The following FBXO45 variants were observed in gnomAD, a reference collection of about 807,000 sequenced individuals.
FBXO45 encodes F-box/SPRY domain-containing protein 1.
In FBXO45, 3 loss-of-function variants were observed where a neutral mutation model predicts 25.5. The ratio of observed to expected loss-of-function variants is 0.12; its 90% CI spans 0.05 to 0.30. FBXO45 has a LOEUF of 0.30. FBXO45 is among the 10% of genes least tolerant of loss of function. The pLI, the probability that FBXO45 is intolerant of heterozygous loss-of-function variation, is 1.00. For missense variants in FBXO45, 219 were observed against 365.0 expected, an observed-to-expected ratio of 0.60 and a Z score of 3.26; for synonymous variants, 155 against 149.8, an observed-to-expected ratio of 1.03 and a Z score of -0.25.
rs1287263272 is a variant in FBXO45 at position 196,577,473 on chromosome 3, C to T, written c.339C>T (p.Ala113=). The T allele has an allele frequency of 1.9e-6, 3 of 1,598,530 alleles. No individual in the cohort carries two copies. Among genetic ancestry groups the T allele is most frequent in the Middle Eastern group, 1.7e-4 (1 of 6,004 alleles). ...YKAKIRAFQH[A]FSTNDCSRNV... is the part of the protein sequence containing the mutation. ...TTTAGATACGTGCTTTTCAACATGC[C>T]TTCAGCACTAATGACTGCTCCAGGA... The change falls in exon 2 of 3, where the codon GCC becomes GCT. Residue 113 remains alanine, a synonymous_variant. Transcript: ENST00000311630.
In FBXO45 at chr3:196,585,719, AAAG is replaced by A. The variant is rs1336581086; in HGVS notation, c.*1404_*1406del. 1.3e-5 allele frequency: 2 copies of A among 152,240 alleles called. No individual in the cohort carries two copies. Among genetic ancestry groups the A allele is most frequent in the Admixed American group, 6.5e-5 (1 of 15,290 alleles). 9.4% of individuals were successfully genotyped at this position (152,240 alleles called of 1,614,324 possible). ...AGCTGAGAGTTTTTCTTTTGTTAGA[AAAG>A]AAACAGACATCTTTCTGTATGAAAG... On this transcript the variant is annotated 3_prime_UTR_variant, in exon 3 of 3. Transcript: ENST00000311630.
rs576204244 is a variant in FBXO45 at position 196,570,778 on chromosome 3, C to G, written c.318+1476C>G. 5.4e-3 allele frequency among the ~76,000 whole-genome samples: 775 copies of G among 144,452 alleles called. 6 individuals carry two copies. Among genetic ancestry groups the G allele is most frequent in the African/African-American group, 0.019 (739 of 38,274 alleles). The allele number at this position is 144,452 out of a possible 152,430, so 94.8% of individuals were successfully genotyped here. On this transcript the variant is annotated intron_variant, in intron 1 of 2. Transcript: ENST00000311630. ...CCAGGCTGGAGTGCAGTGGCGGGAT[C>G]TCAGCTCACTGCAACCTCCGCCTCC...
chr3:196,578,046 C>CTTTTTTTTTTTTTTTTT lies in FBXO45; in HGVS notation c.675+250_675+251insTTTTTTTTTTTTTTTTT, dbSNP rs775555553. ...GATTTTGGCTATGCAGAAAAATATT[C>CTTTTTTTTTTTTTTTTT]TTTTTTTTTTTTTAGACAGAATCTC... On this transcript the variant is annotated intron_variant, in intron 2 of 2. Coordinates refer to ENST00000311630, the MANE Select transcript of FBXO45 (RefSeq NM_001105573.2). Among the ~76,000 whole-genome samples the CTTTTTTTTTTTTTTTTT allele has an allele frequency of 3.9e-4, 37 of 94,034 alleles. 7 individuals carry two copies. Among genetic ancestry groups the CTTTTTTTTTTTTTTTTT allele is most frequent in the African/African-American group, 8.3e-4 (18 of 21,570 alleles). 61.7% of individuals were successfully genotyped at this position (94,034 alleles called of 152,430 possible).
In FBXO45 at chr3:196,587,287, A is replaced by C. The variant is rs1577601953; in HGVS notation, c.*2969A>C. On this transcript the variant is annotated 3_prime_UTR_variant, in exon 3 of 3. Coordinates refer to ENST00000311630, the MANE Select transcript of FBXO45 (RefSeq NM_001105573.2). ...TTCATTAAATCTTTTCATACAAGGA[A>C]TTTGTGGTTAATGTCATTTCATAGT... 6.6e-6 allele frequency: 1 copy of C among 152,200 alleles called. No homozygotes were observed. Among genetic ancestry groups the C allele is most frequent in the Admixed American group, 6.5e-5 (1 of 15,278 alleles). 9.4% of individuals were successfully genotyped at this position (152,200 alleles called of 1,614,324 possible).
intron 1 of FBXO45, among the ~76,000 whole-genome samples, chr3:196,572,147 C>T (rs1263045193): frequency 6.6e-6 from 1 of 152,112 alleles, no homozygotes; most frequent in Non-Finnish European, 1.5e-5. Context: ...GTACTCTGAG[C>T]AGAAGCAGGA....
Position 196,569,804 on chromosome 3 carries a change from C to T in FBXO45, c.318+502C>T, listed in dbSNP as rs371346632. ...TTTTCCCCCAAGTTCTCTTTAGTTC[C>T]CTCCACTATATTGGAGGCTTACAAG... On this transcript the variant is annotated intron_variant, in intron 1 of 2. Coordinates refer to ENST00000311630, the MANE Select transcript of FBXO45 (RefSeq NM_001105573.2). This position sits in a 1 kb window ranked among gnomAD's most constrained non-coding sequence, Gnocchi z 4.1. 1.3e-5 allele frequency among the ~76,000 whole-genome samples: 2 copies of T among 152,128 alleles called. No homozygotes were observed. Among genetic ancestry groups the T allele is most frequent in the African/African-American group, 2.4e-5 (1 of 41,396 alleles).
At chr3:196,581,223 C>T (rs571172424) in intron 2 of FBXO45, among the ~76,000 whole-genome samples, 90 of 63,626 alleles carry the variant, frequency 1.4e-3, no homozygotes, top group South Asian at 2.6e-3. Flanking sequence ...TTTCTTTTTC[C>T]TTTTTTTTTT....
In FBXO45 at chr3:196,569,122, G is replaced by C; in HGVS notation, c.138G>C (p.Leu46Phe). Residue 46 changes from leucine to phenylalanine, a missense_variant, in exon 1 of 3, where the codon TTG (leucine) becomes TTC (phenylalanine). By Grantham distance (22) the Leu-to-Phe change is conservative. Coordinates refer to ENST00000311630, the MANE Select transcript of FBXO45 (RefSeq NM_001105573.2). This position sits in a 1 kb window ranked among gnomAD's most constrained non-coding sequence, Gnocchi z 4.1. The stretch of plus-strand genomic sequence containing the variant: ...GGCTGCCCAGCCGGGTGCTGGAGTT[G>C]GTGTTCTCTTACCTGGAGCTGTCCG... Reference protein sequence around the residue: ...GGRLPSRVLELVFSYLELSEL... With the variant: ...GGRLPSRVLEFVFSYLELSEL... 1 of 1,539,704 alleles carries C rather than the reference G, an allele frequency of 6.5e-7. No individual in the cohort carries two copies. The highest frequency in any genetic ancestry group is 8.8e-7 in the Non-Finnish European group (1 of 1,139,874).
At chr3:196,576,539 C>T (rs765933362) in intron 1 of FBXO45, among the ~76,000 whole-genome samples, 8 of 152,018 alleles carry the variant, frequency 5.3e-5, no homozygotes, top group African/African-American at 1.7e-4. Context: ...CAGAGTGAGA[C>T]GTTGTCTAAA....
At chr3:196,580,282 C>A (rs546495573) in intron 2 of FBXO45, among the ~76,000 whole-genome samples, 1 of 151,828 alleles carries the variant, frequency 6.6e-6, no homozygotes, top group Non-Finnish European at 1.5e-5. Flanking sequence ...CTCAGCTCAC[C>A]GCAACCTCTG....
Position 196,569,752 on chromosome 3 carries a change from C to CT in FBXO45, c.318+451dup, listed in dbSNP as rs1735755855. Among the ~76,000 whole-genome samples, 1 of 152,210 alleles carries CT rather than the reference C, an allele frequency of 6.6e-6. No homozygotes were observed. Among genetic ancestry groups the CT allele is most frequent in the Admixed American group, 6.5e-5 (1 of 15,284 alleles). ...ACGTTTATCTCATCTTTTCCAAGCT[C>CT]TGATTTTTAACCATTTGTTTTCATT... On this transcript the variant is annotated intron_variant, in intron 1 of 2. Coordinates refer to ENST00000311630, the MANE Select transcript of FBXO45 (RefSeq NM_001105573.2). The surrounding 1 kb of genome is among the most constrained non-coding windows in gnomAD (Gnocchi z 4.1).
chr3:196,579,427 C>CT (rs1182964906), intron 2 of FBXO45, among the ~76,000 whole-genome samples: 2 of 152,150 alleles, frequency 1.3e-5, no homozygotes, highest in African/African-American at 4.8e-5. Context: ...GGTGTGTAGA[C>CT]TTTATCACTA....
chr3:196,576,198 T>G (rs746836710), intron 1 of FBXO45, among the ~76,000 whole-genome samples: 15 of 152,148 alleles, frequency 9.9e-5, no homozygotes, highest in Admixed American at 4.6e-4. Context: ...GGATCCTTGA[T>G]CTCTCTTTGG....
chr3:196,570,268 T>TCC (rs1735783558), intron 1 of FBXO45, among the ~76,000 whole-genome samples: 32 of 84,270 alleles, frequency 3.8e-4, no homozygotes, highest in African/African-American at 6.0e-4. Context: ...TCCCCCCCTT[T>TCC]TTTTTTTTTT....
rs760710268 is a variant in FBXO45 at position 196,585,258 on chromosome 3, T to C, written c.*940T>C. 7 of 152,218 alleles carry C rather than the reference T, an allele frequency of 4.6e-5. No individual in the cohort carries two copies. Among genetic ancestry groups the C allele is most frequent in the Non-Finnish European group, 1.0e-4 (7 of 68,036 alleles). The allele number at this position is 152,218 out of a possible 1,614,324, so 9.4% of individuals were successfully genotyped here. ...TTTTATTTTTGGCCTTCTAAGAAAG[T>C]GTCTCATAACACAGAACATTGCCAT... On this transcript the variant is annotated 3_prime_UTR_variant, in exon 3 of 3. Coordinates refer to ENST00000311630, the MANE Select transcript of FBXO45 (RefSeq NM_001105573.2).
rs530905415 is a variant in FBXO45, at chr3:196,577,964, G to T, written c.675+155G>T. ...TTTTCAGATACCCAGACTTCAAGGA[G>T]ATTTTTTTTTTTTAATGTTAGGGGG... On this transcript the variant is annotated intron_variant, in intron 2 of 2. Coordinates refer to ENST00000311630, the MANE Select transcript of FBXO45 (RefSeq NM_001105573.2). Among the ~76,000 whole-genome samples, 19 of 56,618 alleles carry T rather than the reference G, an allele frequency of 3.4e-4. No homozygotes were observed. In the East Asian group the frequency reaches 0.027, roughly 80 times the overall value. The allele number at this position is 56,618 out of a possible 152,430, so 37.1% of individuals were successfully genotyped here.
In FBXO45 at chr3:196,568,933, ACGGCGGGAAGCGGCGGCGGCAGCGG is replaced by A. The variant is rs1005644881; in HGVS notation, c.-47_-23del. Reference sequence around the variant, plus strand: ...GCGAGGCTTGGCCTTCCGAGCAGAGACGGCGGGAAGCGGCGGCGGCAGCGGCGGCCCTAGGGCCGGCTGGTGAGGC... The same window carrying A: ...GCGAGGCTTGGCCTTCCGAGCAGAGACGGCCCTAGGGCCGGCTGGTGAGGC... On this transcript the variant is annotated 5_prime_UTR_variant, in exon 1 of 3. Coordinates refer to ENST00000311630, the MANE Select transcript of FBXO45 (RefSeq NM_001105573.2). 1.2e-3 allele frequency: 1,143 copies of A among 987,380 alleles called. 1 individual carries two copies. The highest frequency in any genetic ancestry group is 1.3e-3 in the Non-Finnish European group (1,104 of 830,474). 61.2% of individuals were successfully genotyped at this position (987,380 alleles called of 1,614,324 possible).
At chr3:196,574,098 C>T (rs1342126896) in intron 1 of FBXO45, among the ~76,000 whole-genome samples, 2 of 151,984 alleles carry the variant, frequency 1.3e-5, no homozygotes, top group East Asian at 1.9e-4. Context: ...CTACGTCCAG[C>T]TAATTTTTGT....
intron 1 of FBXO45, among the ~76,000 whole-genome samples, chr3:196,576,680 C>T (rs537005441): frequency 5.9e-5 from 9 of 152,332 alleles, no homozygotes; most frequent in Non-Finnish European, 7.4e-5. Context: ...GAAGAGTCAA[C>T]TAACTTGTCT....
Sources: allele counts gnomAD v4.1 joint callset (sites outside exome capture counted in the v4.1 genomes callset), GRCh38; gene constraint gnomAD v4.1.1; non-coding constraint Gnocchi (gnomAD v3.1); transcripts MANE v1.5; gene names NCBI Gene and HGNC (gene_info 2026-07-23, HGNC 2026-07-21).